The following ASH1L variants were observed in gnomAD, a reference collection of about 807,000 sequenced individuals.
The protein encoded by ASH1L is histone-lysine N-methyltransferase ASH1L.
ASH1L carries 23 observed loss-of-function variants against 269.0 expected under a neutral mutation model. The ratio of observed to expected loss-of-function variants is 0.09; its 90% CI spans 0.06 to 0.12. ASH1L has a LOEUF of 0.12. Ranked by LOEUF, ASH1L falls within the 10% of genes least tolerant of loss-of-function variation. The pLI is 1.00. For missense variants in ASH1L, 2,912 were observed against 3,567.8 expected, an observed-to-expected ratio of 0.82 and a Z score of 4.68; for synonymous variants, 1,187 against 1,253.5, an observed-to-expected ratio of 0.95 and a Z score of 1.12.
At chr1:155,554,909 A>G (rs550483558) in intron 1 of ASH1L, among the ~76,000 whole-genome samples, 1 of 152,194 alleles carries the variant, frequency 6.6e-6, no homozygotes, top group African/African-American at 2.4e-5. Flanking sequence ...TGGGAGGCTG[A>G]AGCGGGCAGA....
intron 19 of ASH1L, 136 bp downstream of exon 19, chr1:155,349,191 C>A (rs1653655959): frequency 1.2e-6 from 1 of 860,456 alleles, no homozygotes; most frequent in Admixed American, 2.7e-5. Context: ...GTAACACATA[C>A]CCCAAGGATA....
intron 1 of ASH1L, among the ~76,000 whole-genome samples, chr1:155,534,395 G>C (rs1237304734): frequency 2.0e-5 from 3 of 150,444 alleles, no homozygotes; most frequent in Non-Finnish European, 3.0e-5. Context: ...GTGGATTTAA[G>C]AGACATGTTA....
At chr1:155,512,244 A>C (rs1438997966) in intron 2 of ASH1L, among the ~76,000 whole-genome samples, 1 of 151,942 alleles carries the variant, frequency 6.6e-6, no homozygotes, top group Non-Finnish European at 1.5e-5. Flanking sequence ...GATAAAGTAG[A>C]AAGGCAAAAG....
At chr1:155,457,989 C>T (rs1663992478) in intron 4 of ASH1L, among the ~76,000 whole-genome samples, 1 of 152,136 alleles carries the variant, frequency 6.6e-6, no homozygotes, top group Non-Finnish European at 1.5e-5. Context: ...CATCTTTTCT[C>T]CCCAAGCCTT....
At chr1:155,442,583 CAAAAAAAA>C (rs1205815203) in intron 4 of ASH1L, among the ~76,000 whole-genome samples, 1 of 33,664 alleles carries the variant, frequency 3.0e-5, no homozygotes, top group Non-Finnish European at 6.8e-5. Context: ...GACTCCATCT[CAAAAAAAA>C]AAAAAAAAAA....
At chr1:155,359,888 CTT>C (rs749553535) in intron 13 of ASH1L, among the ~76,000 whole-genome samples, 4 of 145,792 alleles carry the variant, frequency 2.7e-5, no homozygotes, top group Non-Finnish European at 4.6e-5. Flanking sequence ...CTCCCATATA[CTT>C]TTTTTTTTTT....
Position 155,521,144 on chromosome 1 carries a change from C to G in ASH1L, c.376G>C (p.Gly126Arg). The stretch of plus-strand genomic sequence containing the variant: ...TCATTCTTTTCATCCGTCATCTTTC[C>G]ACTTTTAAGTGCTTTCCTTGGGTGC... ...IKHPRKALKSGKMTDEKNEHC... is the reference protein window; with the variant it reads ...IKHPRKALKSRKMTDEKNEHC... Residue 126 changes from glycine to arginine, a missense_variant, in exon 2 of 28, where the codon GGA becomes CGA. Gly to Arg is a moderately radical substitution (Grantham distance 125, BLOSUM62 -2). Transcript: ENST00000392403. 6.2e-7 allele frequency: 1 copy of G among 1,608,716 alleles called. No homozygotes were observed. The highest frequency in any genetic ancestry group is 8.5e-7 in the Non-Finnish European group (1 of 1,178,732).
chr1:155,535,086 G>A (rs1435319604), intron 1 of ASH1L, among the ~76,000 whole-genome samples: 2 of 152,084 alleles, frequency 1.3e-5, no homozygotes, highest in Non-Finnish European at 2.9e-5. Context: ...CTACTCGGGA[G>A]GCTGAGGCAG....
In ASH1L at chr1:155,378,578, A is replaced by G. The variant is rs1441844450; in HGVS notation, c.6178-30T>C. ...AAGAAAAGAAGAAAAATCTTGATATAGCATTTAACTTCAAATGCCAGACGG... is the reference window on the plus strand; with the variant it reads ...AAGAAAAGAAGAAAAATCTTGATATGGCATTTAACTTCAAATGCCAGACGG... On this transcript the variant is annotated intron_variant, in intron 8 of 27. Transcript: ENST00000392403. The G allele has an allele frequency of 1.9e-6, 3 of 1,564,752 alleles. No homozygotes were observed. The Admixed American group carries it at 5.3e-5, about 28-fold the overall frequency.
At position 155,347,833 on chromosome 1, in the gene ASH1L, C is replaced by T. The variant is rs1432982953; in HGVS notation, c.7626G>A (p.Arg2542=). The change falls in exon 20 of 28, where the codon CGG becomes CGA. Residue 2542 remains arginine (R), a synonymous_variant. Coordinates refer to ENST00000392403, the MANE Select transcript of ASH1L (RefSeq NM_018489.3). ...CATCAATCTGGGCTGATGCCTCATG[C>T]CGGGCATTGTAATAGGCCTTTCGTA... The part of the protein sequence containing the change: ...CRLRKAYYNA[R]HEASAQIDEI... The T allele has an allele frequency of 3.7e-6, 6 of 1,614,110 alleles. No homozygotes were observed. Among genetic ancestry groups the T allele is most frequent in the African/African-American group, 1.3e-5 (1 of 74,934 alleles).
intron 7 of ASH1L, among the ~76,000 whole-genome samples, chr1:155,390,471 T>C (rs1480044458): frequency 6.6e-6 from 1 of 152,198 alleles, no homozygotes; most frequent in Non-Finnish European, 1.5e-5. Context: ...TTCCAACTCA[T>C]TTAATGAAGC....
At chr1:155,406,069 T>C (rs1025486751) in intron 6 of ASH1L, among the ~76,000 whole-genome samples, 2 of 151,832 alleles carry the variant, frequency 1.3e-5, no homozygotes, top group Non-Finnish European at 2.9e-5. Flanking sequence ...ATGGGCATGG[T>C]AGCACATGCC....
At chr1:155,409,745 C>T (rs1659609577) in intron 6 of ASH1L, among the ~76,000 whole-genome samples, 1 of 152,236 alleles carries the variant, frequency 6.6e-6, no homozygotes, top group East Asian at 1.9e-4. Flanking sequence ...AGATTACAGG[C>T]ATAAGCCATC....
intron 2 of ASH1L, among the ~76,000 whole-genome samples, chr1:155,502,125 C>T (rs1247631053): frequency 2.1e-5 from 3 of 141,584 alleles, no homozygotes; most frequent in Admixed American, 7.4e-5. Flanking sequence ...GGTTGGAGTG[C>T]AATGGCGCGA....
At chr1:155,468,225 A>AT (rs1473525237) in intron 3 of ASH1L, among the ~76,000 whole-genome samples, 88 of 32,062 alleles carry the variant, frequency 2.7e-3, no homozygotes, top group Middle Eastern at 0.043. Flanking sequence ...CTTTATTATT[A>AT]TTATTATTTT....
chr1:155,458,539 T>G (rs2148669585), intron 4 of ASH1L, among the ~76,000 whole-genome samples: 1 of 152,280 alleles, frequency 6.6e-6, no homozygotes, highest in South Asian at 2.1e-4. Flanking sequence ...ACATGGCGAA[T>G]TTTAGTCTCT....
chr1:155,349,275 A>G lies in ASH1L; in HGVS notation c.7554+52T>C, dbSNP rs373331297. The G allele has an allele frequency of 1.1e-5, 18 of 1,579,114 alleles. No individual in the cohort carries two copies. The Admixed American group carries it at 1.8e-4, about 16-fold the overall frequency. On this transcript the variant is annotated intron_variant, in intron 19 of 27. Transcript: ENST00000392403. ...GGTAAAAATCTTAAACTTCTAGACT[A>G]ATTCTTTTCAGAACAAACTTGTGAA...
At chr1:155,463,111 T>C (rs1039780654) in intron 3 of ASH1L, among the ~76,000 whole-genome samples, 7 of 152,234 alleles carry the variant, frequency 4.6e-5, no homozygotes, top group Admixed American at 4.6e-4. Flanking sequence ...TACACTGTTT[T>C]ATAAACGCCA....
At chr1:155,384,893 T>C (rs1051730421) in intron 7 of ASH1L, among the ~76,000 whole-genome samples, 2 of 152,142 alleles carry the variant, frequency 1.3e-5, no homozygotes, top group Non-Finnish European at 2.9e-5. Context: ...ATGACTCCGA[T>C]AACACAAATT....
Sources: allele counts gnomAD v4.1 joint callset (sites outside exome capture counted in the v4.1 genomes callset), GRCh38; gene constraint gnomAD v4.1.1; transcripts MANE v1.5; gene names NCBI Gene and HGNC (gene_info 2026-07-23, HGNC 2026-07-21).